IQCE: variants seen among roughly 807,000 people sequenced by gnomAD.
IQCE encodes IQ domain-containing protein E.
Under a neutral mutation model 96.0 loss-of-function variants are expected in IQCE, and 115 were observed. The observed-to-expected ratio is 1.20, with a 90% confidence interval of 1.03 to 1.40. The LOEUF (loss-of-function observed/expected upper bound fraction) is 1.40. Among genes scored for constraint, IQCE ranks in the 40% most tolerant of loss-of-function variants. The pLI, the probability that IQCE is intolerant of heterozygous loss-of-function variation, is 0.00. For missense variants in IQCE, 1,041 were observed against 909.1 expected (o/e 1.15, Z -1.87); for synonymous variants, 412 against 371.2 (o/e 1.11, Z -1.26).
At chr7:2,573,846 G>A (rs753375301) in intron 6 of IQCE, among the ~76,000 whole-genome samples, 2 of 152,172 alleles carry the variant, frequency 1.3e-5, no homozygotes, top group Non-Finnish European at 2.9e-5. Flanking sequence ...TGCATGCCAC[G>A]CTTTATGTTA....
At chr7:2,595,051 T>C in intron 16 of IQCE, 75 bp downstream of exon 16, 2 of 1,030,914 alleles carry the variant, frequency 1.9e-6, no homozygotes, top group South Asian at 1.3e-5. Flanking sequence ...ACCGTTTCCC[T>C]GTCCAGAGTT....
intron 15 of IQCE, among the ~76,000 whole-genome samples, chr7:2,594,298 G>T (rs1783847154): frequency 6.6e-6 from 1 of 152,192 alleles, no homozygotes; most frequent in African/African-American, 2.4e-5. Context: ...ATTTTCAGGA[G>T]AAATCTGACT....
chr7:2,568,822 C>A, intron 2 of IQCE, 132 bp from the exon 3 acceptor site: 2 of 785,362 alleles, frequency 2.5e-6, no homozygotes, highest in South Asian at 1.6e-5. Flanking sequence ...CTGGACCCTC[C>A]TTACGTCCCC....
At chr7:2,597,982 T>C (rs1293209970) in intron 16 of IQCE, 1 of 152,474 alleles carries the variant, frequency 6.6e-6, no homozygotes. Context: ...ATCATGGTTA[T>C]TTCAATGGTC....
rs778924615 is a variant in IQCE at position 2,582,567 on chromosome 7, GT to G, written c.631-11del. The G allele has an allele frequency of 2.1e-5, 34 of 1,613,462 alleles. No homozygotes were observed. Among genetic ancestry groups the G allele is most frequent in the Non-Finnish European group, 2.9e-5 (34 of 1,179,626 alleles). ...AGGGCGTGGCCTGCCTGATGGGCACGTTCCCCGGGCAGGTCATTAACGGGCT... is the reference window on the plus strand; with the variant it reads ...AGGGCGTGGCCTGCCTGATGGGCACGTCCCCGGGCAGGTCATTAACGGGCT... On this transcript the variant is annotated splice_polypyrimidine_tract_variant and intron_variant, in intron 8 of 21. Coordinates refer to ENST00000402050, the MANE Select transcript of IQCE (RefSeq NM_152558.5).
rs1781574294 is a variant in IQCE at position 2,568,996 on chromosome 7, C to G, written c.127C>G (p.Pro43Ala). 6.2e-7 allele frequency: 1 copy of G among 1,613,852 alleles called. No homozygotes were observed. Among genetic ancestry groups the G allele is most frequent in the Admixed American group, 1.7e-5 (1 of 60,010 alleles). Residue 43 changes from proline to alanine, a missense_variant, in exon 3 of 22, where the codon CCA (proline) becomes GCA (alanine). Transcript: ENST00000402050. ...KAFHKPPPTS[P>A]KSPYLSKPRK... The stretch of plus-strand genomic sequence containing the variant: ...TTTCCACAAACCTCCACCCACATCG[C>G]CAAGTAAGTATGACGAGGCCTGCCT...
chr7:2,594,774 C>T, intron 15 of IQCE, 112 bp from the exon 16 acceptor site: 12 of 762,582 alleles, frequency 1.6e-5, no homozygotes, highest in Non-Finnish European at 2.8e-5. Context: ...TCTCTACAGG[C>T]TGCCTGGTGT....
Position 2,610,084 on chromosome 7 carries a change from T to C in IQCE, c.2010T>C (p.Pro670=), listed in dbSNP as rs527335824. 2.2e-5 allele frequency: 36 copies of C among 1,612,586 alleles called. 1 individual carries two copies. The African/African-American group carries it at 2.9e-4, about 13-fold the overall frequency. The change falls in exon 22 of 22, where the codon CCT becomes CCC. Residue 670 remains proline (P), a synonymous_variant. Coordinates refer to ENST00000402050, the MANE Select transcript of IQCE (RefSeq NM_152558.5). Reference sequence around the variant, plus strand: ...GGCCACAGGCCTTGGCACCTCTACCTGGGGATGACGTCAACTCCGATGATT... The same window carrying C: ...GGCCACAGGCCTTGGCACCTCTACCCGGGGATGACGTCAACTCCGATGATT... The part of the protein sequence containing the change: ...PSGPQALAPL[P]GDDVNSDDSD...
intron 1 of IQCE, among the ~76,000 whole-genome samples, chr7:2,560,463 G>C (rs988356293): frequency 6.6e-6 from 1 of 152,176 alleles, no homozygotes; most frequent in African/African-American, 2.4e-5. Flanking sequence ...ACCCGCAGTA[G>C]GGGCTTGGTG....
Position 2,614,346 on chromosome 7 carries a change from C to G in IQCE, c.*4184C>G, listed in dbSNP as rs1328962843. Reference sequence around the variant, plus strand: ...CGTTTGCTCTCCCGTGGCTCGGATTCTCTGAGGACCAGGGAGTTGACACAC... The same window carrying G: ...CGTTTGCTCTCCCGTGGCTCGGATTGTCTGAGGACCAGGGAGTTGACACAC... On this transcript the variant is annotated 3_prime_UTR_variant, in exon 22 of 22. Transcript: ENST00000402050. 6.6e-6 allele frequency: 1 copy of G among 152,264 alleles called. No homozygotes were observed. 9.4% of individuals were successfully genotyped at this position (152,264 alleles called of 1,614,324 possible).
chr7:2,607,136 A>G lies in IQCE; in HGVS notation c.1878A>G (p.Lys626=). The G allele has an allele frequency of 1.2e-6, 2 of 1,601,850 alleles. No individual in the cohort carries two copies. The highest frequency in any genetic ancestry group is 1.7e-6 in the Non-Finnish European group (2 of 1,175,198). ...TGTTTTTTTCCAGTGCTACCGGTAAAAGAACCACCACCGCAGCTTCTACCA... is the reference window on the plus strand; with the variant it reads ...TGTTTTTTTCCAGTGCTACCGGTAAGAGAACCACCACCGCAGCTTCTACCA... ...LARARHSATG[K]RTTTAASTRR... Residue 626 remains lysine, a synonymous_variant, in exon 21 of 22, where the codon AAA becomes AAG. Transcript: ENST00000402050.
chr7:2,584,838 C>G (rs1782972572), intron 11 of IQCE, among the ~76,000 whole-genome samples: 1 of 152,208 alleles, frequency 6.6e-6, no homozygotes, highest in African/African-American at 2.4e-5. Context: ...ATCCTTAAAA[C>G]TGGTTGGAAA....
intron 17 of IQCE, 23 bp downstream of exon 17, chr7:2,598,655 G>A (rs777044853): frequency 1.5e-5 from 22 of 1,485,404 alleles, no homozygotes; most frequent in Middle Eastern, 4.3e-4. Flanking sequence ...GGGGCGACCC[G>A]GGCTGCTCCC....
At chr7:2,598,341 A>G in intron 16 of IQCE, 124 bp from the exon 17 acceptor site, 2 of 939,264 alleles carry the variant, frequency 2.1e-6, no homozygotes, top group Non-Finnish European at 3.2e-6. Context: ...TCTCTCCTCC[A>G]CATTAGTGAG....
chr7:2,576,915 C>T (rs1042980436), intron 6 of IQCE, among the ~76,000 whole-genome samples: 4 of 152,160 alleles, frequency 2.6e-5, no homozygotes, highest in Admixed American at 2.6e-4. Flanking sequence ...GGTGCGGCAC[C>T]GTCCAGCCCC....
At chr7:2,609,961 GA>G (rs1755968705) in intron 21 of IQCE, 82 bp from the exon 22 acceptor site, 5 of 767,372 alleles carry the variant, frequency 6.5e-6, no homozygotes, top group African/African-American at 1.7e-5. Context: ...TGCCGGGGAA[GA>G]GCAGACAGTG....
At chr7:2,584,127 C>T (rs763093245) in intron 10 of IQCE, 109 bp from the exon 11 acceptor site, 1 of 962,196 alleles carries the variant, frequency 1.0e-6, no homozygotes, top group Middle Eastern at 2.1e-4. Flanking sequence ...CCACTTAGTT[C>T]CCGCTTCTGG....
At chr7:2,565,133 A>AGTGTGTGTGTGT (rs35495754) in intron 1 of IQCE, among the ~76,000 whole-genome samples, 4 of 147,252 alleles carry the variant, frequency 2.7e-5, no homozygotes, top group African/African-American at 9.9e-5. Flanking sequence ...CATGTGTGTG[A>AGTGTGTGTGTGT]GTGTGTGTGT....
Position 2,594,981 on chromosome 7 carries a change from A to G in IQCE, c.1440+5A>G. The G allele has an allele frequency of 1.9e-6, 3 of 1,598,000 alleles. No individual in the cohort carries two copies. The highest frequency in any genetic ancestry group is 2.6e-6 in the Non-Finnish European group (3 of 1,165,468). On this transcript the variant is annotated splice_donor_5th_base_variant and intron_variant, in intron 16 of 21. Coordinates refer to ENST00000402050, the MANE Select transcript of IQCE (RefSeq NM_152558.5). The stretch of plus-strand genomic sequence containing the variant: ...TGCCCGGAAGTTCCTCATAAGGTAC[A>G]GTGACCATTCAGTTGAGTCTCCCGT...
Sources: gnomAD v4.1 joint callset for allele counts (sites outside exome capture counted in the v4.1 genomes callset) on GRCh38, gnomAD v4.1.1 for gene constraint, MANE v1.5 for transcripts, NCBI Gene and HGNC (gene_info 2026-07-23, HGNC 2026-07-21) for gene names.